CCDC43: variants seen among roughly 807,000 people sequenced by gnomAD.
CCDC43 encodes the protein coiled-coil domain-containing protein 43.
A neutral mutation model predicts 33.3 loss-of-function variants in CCDC43; 20 were observed. The observed-to-expected ratio is 0.60, with a 90% CI of 0.42 to 0.87. The LOEUF (loss-of-function observed/expected upper bound fraction) is 0.87, where lower values mean the gene tolerates loss of function less well. Ranked by LOEUF, CCDC43 falls within the 40% of genes least tolerant of loss-of-function variation. The pLI is 0.00. For synonymous variants in CCDC43, 104 were observed against 106.5 expected, an observed-to-expected ratio of 0.98 and a Z score of 0.14; for missense variants, 248 against 269.9, an observed-to-expected ratio of 0.92 and a Z score of 0.57.
At chr17:44,680,402 T>C (rs1445584537) in intron 4 of CCDC43, among the ~76,000 whole-genome samples, 183 bp downstream of exon 4, 1 of 152,170 alleles carries the variant, frequency 6.6e-6, no homozygotes, top group East Asian at 1.9e-4. Context: ...GTTAACTTGT[T>C]TTCTCTGGGG....
intron 3 of CCDC43, 139 bp downstream of exon 3, chr17:44,681,864 G>C: frequency 1.1e-6 from 1 of 915,792 alleles, no homozygotes; most frequent in South Asian, 1.6e-5. Flanking sequence ...TATCCACAAA[G>C]GGCCATAGAT....
At chr17:44,683,836 GGC>G (rs1972196326) in intron 2 of CCDC43, 34 bp downstream of exon 2, 1 of 1,417,022 alleles carries the variant, frequency 7.1e-7, no homozygotes, top group East Asian at 2.3e-5. Context: ...TGCTGGAAAA[GGC>G]TCAGGAAGTT....
chr17:44,680,697 G>A, intron 3 of CCDC43, 54 bp from the exon 4 acceptor site: 1 of 1,359,220 alleles, frequency 7.4e-7, no homozygotes, highest in East Asian at 2.3e-5. Context: ...CCTAACATTA[G>A]AAAACATTCA....
chr17:44,689,681 A>C lies in CCDC43; in HGVS notation c.73T>G (p.Trp25Gly). ...GDGGGGGFGSWLDGRLEALGV... is the reference protein window; with the variant it reads ...GDGGGGGFGSGLDGRLEALGV... ...AGTGCCTCCAACCGTCCGTCCAGCC[A>C]GGAGCCAAAGCCGCCGCCTCCGCCA... Residue 25 changes from tryptophan to glycine, a missense_variant, in exon 1 of 5, where the codon TGG (tryptophan) becomes GGG (glycine). Trp to Gly is a radical substitution (Grantham distance 184). Transcript: ENST00000315286. 6.2e-7 allele frequency: 1 copy of C among 1,610,948 alleles called. No individual in the cohort carries two copies. Among genetic ancestry groups the C allele is most frequent in the Non-Finnish European group, 8.5e-7 (1 of 1,178,830 alleles).
chr17:44,683,424 G>A (rs566745132), intron 2 of CCDC43, among the ~76,000 whole-genome samples: 4 of 152,056 alleles, frequency 2.6e-5, no homozygotes, highest in East Asian at 1.9e-4. Context: ...AGCTATTCAC[G>A]AGGCTGAGGC....
chr17:44,685,629 G>A (rs1972223070), intron 1 of CCDC43, among the ~76,000 whole-genome samples: 1 of 152,134 alleles, frequency 6.6e-6, no homozygotes, highest in Admixed American at 6.5e-5. Context: ...ATAAACACGA[G>A]CACTTCCCTC....
chr17:44,680,495 A>T, intron 4 of CCDC43, 90 bp downstream of exon 4: 2 of 914,560 alleles, frequency 2.2e-6, no homozygotes, highest in Non-Finnish European at 3.6e-6. Flanking sequence ...CCTGAAGGTA[A>T]AGGGGAGCCG....
At chr17:44,686,603 CTTCA>C (rs1972241179) in intron 1 of CCDC43, among the ~76,000 whole-genome samples, 3 of 152,134 alleles carry the variant, frequency 2.0e-5, no homozygotes, top group Non-Finnish European at 4.4e-5. Context: ...TCATCCATTC[CTTCA>C]TTTATTTATA....
intron 2 of CCDC43, among the ~76,000 whole-genome samples, chr17:44,683,091 C>T (rs939027920): frequency 6.6e-6 from 1 of 152,120 alleles, no homozygotes; most frequent in Non-Finnish European, 1.5e-5. Flanking sequence ...AGAATCTTTC[C>T]AAATTTGGCT....
intron 1 of CCDC43, among the ~76,000 whole-genome samples, chr17:44,687,456 T>TA (rs35696680): frequency 1.0e-4 from 15 of 148,720 alleles, no homozygotes; most frequent in African/African-American, 3.0e-4. Flanking sequence ...ACATAAAACA[T>TA]AAAAAAAAAA....
At position 44,677,755 on chromosome 17, in the gene CCDC43, C is replaced by T. The variant is rs1390952060; in HGVS notation, c.*1101G>A. On this transcript the variant is annotated 3_prime_UTR_variant, in exon 5 of 5. Transcript: ENST00000315286. ...TTGCACCATACAAAAACAGACTGGG[C>T]CAAATTCGGCCCGTGGGCAGTAGTT... is the stretch of plus-strand genomic sequence containing the variant. 6.6e-6 allele frequency: 1 copy of T among 152,128 alleles called. No homozygotes were observed. The highest frequency in any genetic ancestry group is 1.5e-5 in the Non-Finnish European group (1 of 68,022). 9.4% of individuals were successfully genotyped at this position (152,128 alleles called of 1,614,324 possible).
At chr17:44,685,272 G>A (rs928510991) in intron 1 of CCDC43, among the ~76,000 whole-genome samples, 5 of 152,024 alleles carry the variant, frequency 3.3e-5, no homozygotes, top group East Asian at 1.9e-4. Context: ...CTTGGCTGAC[G>A]TATACAATTC....
chr17:44,679,082 G>C lies in CCDC43; in HGVS notation c.488-39C>G, dbSNP rs770431928. 8.3e-5 allele frequency: 126 copies of C among 1,521,834 alleles called. 1 individual carries two copies. The Middle Eastern group carries it at 2.0e-3, about 24-fold the overall frequency. The allele number at this position is 1,521,834 out of a possible 1,614,324, so 94.3% of individuals were successfully genotyped here. On this transcript the variant is annotated intron_variant, in intron 4 of 4. Coordinates refer to ENST00000315286, the MANE Select transcript of CCDC43 (RefSeq NM_144609.3). ...AAGGGATTAGGGTACAGGTCACACA[G>C]ATCACACCTACTGCTGCCTTTCCTC...
chr17:44,688,591 T>C (rs999639391), intron 1 of CCDC43, among the ~76,000 whole-genome samples: 1 of 152,218 alleles, frequency 6.6e-6, no homozygotes, highest in Non-Finnish European at 1.5e-5. Context: ...GCTCTCACAG[T>C]AGCAATCAGG....
At position 44,682,056 on chromosome 17, in the gene CCDC43, C is replaced by T; in HGVS notation, c.375G>A (p.Lys125=). The change falls in exon 3 of 5, where the codon AAG becomes AAA. Residue 125 remains lysine, a synonymous_variant. Transcript: ENST00000315286. ...GGGCCAGGAGGGCAGCTTTTCTCTG[C>T]TTCTCCTCTTCTGACACCATCCTTG... ...VKPRMVSEEE[K]QRKAALLAQY... The T allele has an allele frequency of 6.2e-7, 1 of 1,614,014 alleles. No homozygotes were observed.
Position 44,680,579 on chromosome 17 carries a change from G to A in CCDC43, c.487+6C>T, listed in dbSNP as rs541834943. On this transcript the variant is annotated splice_donor_region_variant and intron_variant, in intron 4 of 4. Coordinates refer to ENST00000315286, the MANE Select transcript of CCDC43 (RefSeq NM_144609.3). ...GAAACACATAGGGAGGGACCCAGAA[G>A]GATACGTTTGTCAGAACCAATGTTC... 3.1e-6 allele frequency: 5 copies of A among 1,601,122 alleles called. No homozygotes were observed. Among genetic ancestry groups the A allele is most frequent in the Non-Finnish European group, 4.3e-6 (5 of 1,169,050 alleles).
Position 44,689,609 on chromosome 17 carries a change from G to A in CCDC43, c.145C>T (p.Gln49Ter). 6.2e-7 allele frequency: 1 copy of A among 1,613,948 alleles called. No individual in the cohort carries two copies. The highest frequency in any genetic ancestry group is 8.5e-7 in the Non-Finnish European group (1 of 1,179,870). ...AGCTTCTCTTCTTCCTCCTCCTCCT[G>A]CAGGATACCCAAGATGTAGGCTCCA... ...VYGAYILGIL[Q>*]EEEEEEKLDA... is the part of the protein sequence containing the mutation. The change falls in exon 1 of 5, where the codon CAG becomes TAG. Residue 49 changes from glutamine to a stop codon, truncating the protein, a stop_gained. Transcript: ENST00000315286. LOFTEE classifies it high-confidence loss of function.
chr17:44,679,097 T>TC, intron 4 of CCDC43, 54 bp from the exon 5 acceptor site: 1 of 1,410,356 alleles, frequency 7.1e-7, no homozygotes, highest in Non-Finnish European at 9.7e-7. Flanking sequence ...CACCTACTGC[T>TC]GCCTTTCCTC....
intron 4 of CCDC43, 131 bp downstream of exon 4, chr17:44,680,454 T>C (rs1481165088): frequency 4.5e-6 from 3 of 670,462 alleles, no homozygotes; most frequent in African/African-American, 3.5e-5. Context: ...GTCCTAGGAA[T>C]AGGGCTCCCA....
Sources: allele counts gnomAD v4.1 joint callset (sites outside exome capture counted in the v4.1 genomes callset), GRCh38; gene constraint gnomAD v4.1.1; transcripts MANE v1.5; gene names NCBI Gene and HGNC (gene_info 2026-07-23, HGNC 2026-07-21).